Variants in CD36 observed in about 807,000 individuals in gnomAD.
The protein encoded by CD36 is platelet glycoprotein 4.
A neutral mutation model predicts 55.2 loss-of-function variants in CD36; 119 were observed. That is an observed-to-expected ratio of 2.15 (90% CI 1.86 to 2.51). The LOEUF is 2.51. Among genes scored for constraint, CD36 ranks in the 30% most tolerant of loss-of-function variants. The pLI is 0.00. For missense variants in CD36, 819 were observed against 555.5 expected (o/e 1.47, Z -4.77); for synonymous variants, 186 against 193.6 (o/e 0.96, Z 0.33).
In CD36 at chr7:80,673,347, T is replaced by C. The variant is rs573095838; in HGVS notation, c.1200-8T>C. The C allele has an allele frequency of 6.0e-5, 78 of 1,294,828 alleles. 1 individual carries two copies. In the South Asian group the frequency reaches 8.5e-4, roughly 14 times the overall value. 80.2% of individuals were successfully genotyped at this position (1,294,828 alleles called of 1,614,324 possible). Reference sequence around the variant, plus strand: ...TATGTTCATAATTATTTTCAACGTATATTACAGAGTATTAAAGAATCTGAA... The same window carrying C: ...TATGTTCATAATTATTTTCAACGTACATTACAGAGTATTAAAGAATCTGAA... On this transcript the variant is annotated splice_polypyrimidine_tract_variant and splice_region_variant and intron_variant, in intron 12 of 14. Transcript: ENST00000447544.
rs1797477448 is a variant in CD36 at position 80,669,855 on chromosome 7, G to A, written c.749-98G>A. 5 of 832,372 alleles carry A rather than the reference G, an allele frequency of 6.0e-6. No homozygotes were observed. The South Asian group carries it at 6.7e-5, about 11-fold the overall frequency. 51.6% of individuals were successfully genotyped at this position (832,372 alleles called of 1,614,324 possible). A position where few individuals can be genotyped will look rare whatever the true frequency, so the allele number is the denominator to read the frequency against. Reference sequence around the variant, plus strand: ...GCTAGATAAATTACTTAGGCAGTTTGCATTACATTTCTATGGACTACACTG... The same window carrying A: ...GCTAGATAAATTACTTAGGCAGTTTACATTACATTTCTATGGACTACACTG... On this transcript the variant is annotated intron_variant, in intron 8 of 14. Transcript: ENST00000447544.
At position 80,646,865 on chromosome 7, in the gene CD36, A is replaced by G. The variant is rs555637878; in HGVS notation, c.120+5A>G. 6.2e-7 allele frequency: 1 copy of G among 1,613,726 alleles called. No homozygotes were observed. The highest frequency in any genetic ancestry group is 8.5e-7 in the Non-Finnish European group (1 of 1,179,754). On this transcript the variant is annotated splice_donor_5th_base_variant and intron_variant, in intron 3 of 14. Coordinates refer to ENST00000447544, the MANE Select transcript of CD36 (RefSeq NM_001001548.3). Reference sequence around the variant, plus strand: ...ATCCAGAAGACAATTAAAAAGGTACAAGTAGTCCAAAGAATATGCCTTCTC... The same window carrying G: ...ATCCAGAAGACAATTAAAAAGGTACGAGTAGTCCAAAGAATATGCCTTCTC...
chr7:80,604,695 T>C (rs923259365), intron 1 of CD36, among the ~76,000 whole-genome samples: 29 of 151,954 alleles, frequency 1.9e-4, no homozygotes, highest in African/African-American at 6.8e-4. Context: ...GGAAAACCAT[T>C]GTTTGCCCTT....
intron 1 of CD36, chr7:80,626,343 C>A (rs1023131775): frequency 6.6e-6 from 1 of 151,944 alleles, no homozygotes; most frequent in African/African-American, 2.4e-5. Context: ...TTATAATGGT[C>A]GAGAACTACA....
At chr7:80,638,087 GAAC>G (rs778392518), upstream of CD36, among the ~76,000 whole-genome samples, 1 of 151,956 alleles carries the variant, frequency 6.6e-6, no homozygotes, top group Admixed American at 6.6e-5. Context: ...CTTCCAGCTA[GAAC>G]AATAGGCTGT....
At chr7:80,617,714 G>T (rs1360741) in intron 1 of CD36, among the ~76,000 whole-genome samples, 1 of 148,952 alleles carries the variant, frequency 6.7e-6, no homozygotes, top group Non-Finnish European at 1.5e-5. Context: ...ACGACAGAGC[G>T]AGACTGTGTC....
chr7:80,650,136 G>A (rs779317874), intron 3 of CD36, among the ~76,000 whole-genome samples: 2 of 151,890 alleles, frequency 1.3e-5, no homozygotes, highest in Non-Finnish European at 2.9e-5. Context: ...AACTCAAGGA[G>A]GTGGTACAAC....
At chr7:80,652,691 T>C (rs1340208494) in intron 3 of CD36, among the ~76,000 whole-genome samples, 1 of 152,154 alleles carries the variant, frequency 6.6e-6, no homozygotes, top group East Asian at 1.9e-4. Context: ...AAAATAATTG[T>C]CACAGGATAT....
At chr7:80,607,006 G>A (rs1407684548) in intron 1 of CD36, among the ~76,000 whole-genome samples, 1 of 151,990 alleles carries the variant, frequency 6.6e-6, no homozygotes, top group African/African-American at 2.4e-5. Context: ...ATTCTATATG[G>A]TTTACCAGCT....
At chr7:80,618,440 G>A (rs770799714) in intron 1 of CD36, among the ~76,000 whole-genome samples, 1 of 152,102 alleles carries the variant, frequency 6.6e-6, no homozygotes, top group Non-Finnish European at 1.5e-5. Flanking sequence ...AAAAAAACTA[G>A]AAGTGATTAA....
intron 1 of CD36, chr7:80,626,153 G>A (rs1180093384): frequency 1.3e-5 from 2 of 151,920 alleles, no homozygotes; most frequent in East Asian, 1.9e-4. Context: ...AGCGACTATG[G>A]GCTTGCTATG....
At chr7:80,606,860 C>T (rs1419824921) in intron 1 of CD36, among the ~76,000 whole-genome samples, 1 of 152,150 alleles carries the variant, frequency 6.6e-6, no homozygotes, top group Non-Finnish European at 1.5e-5. Flanking sequence ...AAAGTACAGG[C>T]ATCACCCATT....
At chr7:80,653,229 T>C (rs1198069129) in intron 3 of CD36, among the ~76,000 whole-genome samples, 3 of 152,190 alleles carry the variant, frequency 2.0e-5, no homozygotes, top group Non-Finnish European at 4.4e-5. Flanking sequence ...CATACTTCTG[T>C]CTCTTGGTAG....
intron 3 of CD36, among the ~76,000 whole-genome samples, chr7:80,654,868 C>T (rs1410065363): frequency 1.7e-5 from 2 of 118,386 alleles, no homozygotes; most frequent in Admixed American, 1.9e-4. Flanking sequence ...CAACTAAGTG[C>T]AGAGGGTGAC....
intron 6 of CD36, 152 bp downstream of exon 6, chr7:80,663,321 A>G: frequency 1.5e-6 from 1 of 677,624 alleles, no homozygotes; most frequent in Non-Finnish European, 2.6e-6. Flanking sequence ...ACTTCTCATT[A>G]TAGCTTCAGC....
intron 1 of CD36, among the ~76,000 whole-genome samples, chr7:80,621,583 G>A (rs2115905925): frequency 6.6e-6 from 1 of 151,964 alleles, no homozygotes; most frequent in African/African-American, 2.4e-5. Flanking sequence ...AAATGTTTTA[G>A]AACAAAAATA....
chr7:80,650,608 G>A (rs543781656), intron 3 of CD36, among the ~76,000 whole-genome samples: 2 of 152,120 alleles, frequency 1.3e-5, no homozygotes, highest in East Asian at 3.9e-4. Context: ...AGCAAATTAA[G>A]AAAGCTATTG....
At chr7:80,626,284 C>T (rs1419955937) in intron 1 of CD36, 1 of 152,018 alleles carries the variant, frequency 6.6e-6, no homozygotes, top group Non-Finnish European at 1.5e-5. Context: ...ATATTATTTA[C>T]ACTATTGAGC....
At chr7:80,641,245 A>C (rs1164653322) in intron 1 of CD36, among the ~76,000 whole-genome samples, 1 of 152,164 alleles carries the variant, frequency 6.6e-6, no homozygotes, top group East Asian at 1.9e-4. Flanking sequence ...TTGATGAAAC[A>C]TAATCATAGT....
Sources: gnomAD v4.1 joint callset for allele counts (sites outside exome capture counted in the v4.1 genomes callset) on GRCh38, gnomAD v4.1.1 for gene constraint, MANE v1.5 for transcripts, NCBI Gene and HGNC (gene_info 2026-07-23, HGNC 2026-07-21) for gene names.